Variants in SYNDIG1 observed in about 807,000 individuals in gnomAD.
SYNDIG1 encodes the protein synapse differentiation inducing 1.
In SYNDIG1, 9 loss-of-function variants were observed where a neutral mutation model predicts 19.4. That is an observed-to-expected ratio of 0.46 (90% CI 0.28 to 0.81). The LOEUF is 0.81. Among genes scored for constraint, SYNDIG1 ranks in the 30% least tolerant of loss-of-function variants. SYNDIG1 has a pLI of 0.12. For missense variants in SYNDIG1, 311 were observed against 343.3 expected (o/e 0.91, Z 0.74); for synonymous variants, 141 against 145.9 (o/e 0.97, Z 0.24).
chr20:24,482,501 G>C (rs984501631), intron 1 of SYNDIG1, among the ~76,000 whole-genome samples: 1 of 152,198 alleles, frequency 6.6e-6, no homozygotes, highest in African/African-American at 2.4e-5. Flanking sequence ...GGATCACTGG[G>C]GAGGTTGAAT....
chr20:24,563,471 C>T (rs777171216), intron 2 of SYNDIG1, among the ~76,000 whole-genome samples: 15 of 152,172 alleles, frequency 9.9e-5, no homozygotes, highest in African/African-American at 2.7e-4. Flanking sequence ...GATGAGACAC[C>T]GGACCCCTCA....
chr20:24,569,066 C>T (rs966358912), intron 2 of SYNDIG1, among the ~76,000 whole-genome samples: 2 of 152,186 alleles, frequency 1.3e-5, no homozygotes, highest in African/African-American at 2.4e-5. Context: ...CTCGAGAGCC[C>T]GCCCATTTCA....
At chr20:24,599,928 G>A (rs950879495) in intron 3 of SYNDIG1, among the ~76,000 whole-genome samples, 1 of 152,176 alleles carries the variant, frequency 6.6e-6, no homozygotes, top group African/African-American at 2.4e-5. Context: ...ACAGTGTAGG[G>A]TGACTATAGT....
chr20:24,571,556 A>T (rs2058144757), intron 2 of SYNDIG1, among the ~76,000 whole-genome samples: 1 of 152,210 alleles, frequency 6.6e-6, no homozygotes, highest in Non-Finnish European at 1.5e-5. Context: ...CATTTATATT[A>T]TATGAAGTCA....
intron 1 of SYNDIG1, among the ~76,000 whole-genome samples, chr20:24,489,275 C>A (rs1449403741): frequency 6.6e-6 from 1 of 151,344 alleles, no homozygotes; most frequent in Admixed American, 6.6e-5. Flanking sequence ...CACACACGTG[C>A]TCACAGGGAC....
intron 2 of SYNDIG1, among the ~76,000 whole-genome samples, chr20:24,560,946 A>G (rs1171257868): frequency 1.3e-5 from 2 of 150,150 alleles, no homozygotes; most frequent in Non-Finnish European, 3.0e-5. Flanking sequence ...CTAAATGTGC[A>G]GAATCTTTCT....
At chr20:24,529,301 TTAG>T (rs1278516496) in intron 1 of SYNDIG1, among the ~76,000 whole-genome samples, 2 of 152,156 alleles carry the variant, frequency 1.3e-5, no homozygotes, top group Non-Finnish European at 2.9e-5. Flanking sequence ...GATGTTATTG[TTAG>T]TAGTAGTAGT....
chr20:24,584,009 C>T (rs931211865), intron 2 of SYNDIG1, among the ~76,000 whole-genome samples: 2 of 152,128 alleles, frequency 1.3e-5, no homozygotes, highest in East Asian at 3.8e-4. Flanking sequence ...CAAACCTGTA[C>T]GTGCACCCCT....
At chr20:24,560,673 C>T (rs920505420) in intron 2 of SYNDIG1, among the ~76,000 whole-genome samples, 6 of 147,838 alleles carry the variant, frequency 4.1e-5, no homozygotes, top group Admixed American at 2.0e-4. Context: ...GCCCTGCCCC[C>T]GAGACAGTTT....
chr20:24,540,662 AT>A (rs1300587308), intron 1 of SYNDIG1, among the ~76,000 whole-genome samples: 2 of 152,076 alleles, frequency 1.3e-5, no homozygotes, highest in Non-Finnish European at 2.9e-5. Context: ...ATAATTACGT[AT>A]TTTTTGTCTT....
chr20:24,501,561 G>A (rs999440771), intron 1 of SYNDIG1, among the ~76,000 whole-genome samples: 11 of 152,184 alleles, frequency 7.2e-5, no homozygotes, highest in Non-Finnish European at 1.3e-4. Context: ...AGGCCACACC[G>A]GCTGGGTTCA....
chr20:24,564,504 G>A (rs977654342), intron 2 of SYNDIG1, among the ~76,000 whole-genome samples: 8 of 152,232 alleles, frequency 5.3e-5, no homozygotes, highest in Non-Finnish European at 8.8e-5. Context: ...TACAGGCCAT[G>A]AGGCTGTAGT....
chr20:24,661,448 A>AC (rs2059591263), intron 3 of SYNDIG1, among the ~76,000 whole-genome samples: 1 of 99,558 alleles, frequency 1.0e-5, no homozygotes, highest in Admixed American at 1.1e-4. Context: ...GAAGGAGGAA[A>AC]GAGGGAGGAA....
chr20:24,503,254 G>A (rs1292259484), intron 1 of SYNDIG1, among the ~76,000 whole-genome samples: 1 of 152,184 alleles, frequency 6.6e-6, no homozygotes, highest in Non-Finnish European at 1.5e-5. Context: ...CCTTCTGCAC[G>A]GTACTTATCA....
Position 24,559,374 on chromosome 20 carries a change from A to C in SYNDIG1, c.480+15797A>C, listed in dbSNP as rs192423060. 7.9e-5 allele frequency among the ~76,000 whole-genome samples: 12 copies of C among 152,304 alleles called. No individual in the cohort carries two copies. In the East Asian group the frequency reaches 2.1e-3, roughly 27 times the overall value. On this transcript the variant is annotated intron_variant, in intron 2 of 3. Transcript: ENST00000376862. ...ATGTAATTTGGGTGATGGATATTCT[A>C]AAAAGCCATGACCTGACCACTATGC...
intron 3 of SYNDIG1, among the ~76,000 whole-genome samples, chr20:24,608,024 G>A (rs2058784741): frequency 6.6e-6 from 1 of 152,178 alleles, no homozygotes; most frequent in South Asian, 2.1e-4. Context: ...AACATCTTCG[G>A]CAGCTAAACC....
intron 1 of SYNDIG1, among the ~76,000 whole-genome samples, chr20:24,485,321 T>C (rs752647812): frequency 6.6e-6 from 1 of 152,252 alleles, no homozygotes; most frequent in Non-Finnish European, 1.5e-5. Context: ...GGTGCTATAC[T>C]TGAGTCCATG....
chr20:24,641,829 A>G (rs1248761619), intron 3 of SYNDIG1, among the ~76,000 whole-genome samples: 2 of 152,324 alleles, frequency 1.3e-5, no homozygotes, highest in East Asian at 3.9e-4. Context: ...TTTAAAGTCA[A>G]CTTTTTATTT....
intron 2 of SYNDIG1, among the ~76,000 whole-genome samples, chr20:24,580,601 GTTTCACCATGT>G (rs2058306217): frequency 6.6e-6 from 1 of 152,034 alleles, no homozygotes; most frequent in Admixed American, 6.6e-5. Flanking sequence ...TAGAGACAGG[GTTTCACCATGT>G]TGCCCAGGCG....
Sources: allele counts gnomAD v4.1 joint callset (sites outside exome capture counted in the v4.1 genomes callset), GRCh38; gene constraint gnomAD v4.1.1; transcripts MANE v1.5; gene names NCBI Gene and HGNC (gene_info 2026-07-23, HGNC 2026-07-21).